The following QTMAN variants were observed in gnomAD, a reference collection of about 807,000 sequenced individuals.
QTMAN encodes queuosine-tRNA mannosyltransferase, also known as tRNA-queuosine alpha-mannosyltransferase.
the QTMAN span, among the ~76,000 whole-genome samples, chr2:144,104,559 G>C: frequency 6.6e-6 from 1 of 152,166 alleles, no homozygotes; most frequent in African/African-American, 2.4e-5. Context: ...GAGGCTGGGG[G>C]AGGGGCGCCC....
the QTMAN span, among the ~76,000 whole-genome samples, chr2:144,191,387 G>A: frequency 6.6e-6 from 1 of 152,180 alleles, no homozygotes; most frequent in East Asian, 1.9e-4. Flanking sequence ...TATGCGGGCA[G>A]GGTTGTGCAA....
At chr2:144,277,622 C>T in the QTMAN span, among the ~76,000 whole-genome samples, 18 of 152,212 alleles carry the variant, frequency 1.2e-4, no homozygotes, top group South Asian at 1.4e-3. Flanking sequence ...TAGATTCTTA[C>T]ACTGCTTTAA....
At chr2:143,973,268 C>G in the QTMAN span, among the ~76,000 whole-genome samples, 1 of 151,920 alleles carries the variant, frequency 6.6e-6, no homozygotes, top group South Asian at 2.1e-4. Context: ...CCATTATGAA[C>G]TCAAGAATGC....
At chr2:144,176,690 A>T in the QTMAN span, among the ~76,000 whole-genome samples, 1 of 152,204 alleles carries the variant, frequency 6.6e-6, no homozygotes, top group Non-Finnish European at 1.5e-5. Flanking sequence ...GTCAGCATTT[A>T]AAGAAAGATT....
chr2:144,223,763 A>G, the QTMAN span, among the ~76,000 whole-genome samples: 6,628 of 152,298 alleles, frequency 0.044, 219 homozygotes, highest in South Asian at 0.11. Context: ...AAATATACAT[A>G]TAAAACGATT....
chr2:144,300,575 G>C, the QTMAN span, among the ~76,000 whole-genome samples: 3 of 152,166 alleles, frequency 2.0e-5, no homozygotes, highest in Non-Finnish European at 4.4e-5. Context: ...GAAGTATTTA[G>C]CTAGAGATAT....
At chr2:144,040,609 G>GA in the QTMAN span, among the ~76,000 whole-genome samples, 2 of 152,000 alleles carry the variant, frequency 1.3e-5, no homozygotes, top group Non-Finnish European at 2.9e-5. Context: ...TAAGGTGTCA[G>GA]AAAATCCAAT....
At chr2:144,152,629 G>T in the QTMAN span, among the ~76,000 whole-genome samples, 1 of 152,078 alleles carries the variant, frequency 6.6e-6, no homozygotes, top group African/African-American at 2.4e-5. Flanking sequence ...TTTTGGGACT[G>T]GAGTTCATTA....
the QTMAN span, among the ~76,000 whole-genome samples, chr2:143,984,222 C>T: frequency 1.4e-4 from 22 of 152,194 alleles, no homozygotes; most frequent in African/African-American, 4.8e-4. Flanking sequence ...GGACTTACCT[C>T]GAAGCAACAA....
chr2:144,313,993 T>C, the QTMAN span, among the ~76,000 whole-genome samples: 1 of 151,816 alleles, frequency 6.6e-6, no homozygotes, highest in African/African-American at 2.4e-5. Flanking sequence ...GTTATATATA[T>C]AATTATAAAA....
chr2:144,307,889 G>C, the QTMAN span, among the ~76,000 whole-genome samples: 1 of 152,148 alleles, frequency 6.6e-6, no homozygotes, highest in Non-Finnish European at 1.5e-5. Flanking sequence ...CAATCATTTA[G>C]ATGTTAATGC....
chr2:144,088,441 T>C, the QTMAN span, among the ~76,000 whole-genome samples: 1 of 152,042 alleles, frequency 6.6e-6, no homozygotes, highest in Non-Finnish European at 1.5e-5. Context: ...CAAATACCAA[T>C]GTCATTCTTC....
the QTMAN span, among the ~76,000 whole-genome samples, chr2:144,146,909 A>G: frequency 6.6e-6 from 1 of 151,872 alleles, no homozygotes; most frequent in African/African-American, 2.4e-5. Context: ...TGGTCTTCTA[A>G]GGGCTCAAAC....
At chr2:144,260,188 T>A in the QTMAN span, among the ~76,000 whole-genome samples, 2 of 152,116 alleles carry the variant, frequency 1.3e-5, 1 homozygote, top group Admixed American at 1.3e-4. Flanking sequence ...ATCACTTATT[T>A]AATTACTGTA....
At chr2:144,027,230 CAA>C in the QTMAN span, among the ~76,000 whole-genome samples, 2 of 152,202 alleles carry the variant, frequency 1.3e-5, no homozygotes, top group Non-Finnish European at 1.5e-5. Flanking sequence ...ACAAGACAAG[CAA>C]AAGATATAAG....
At chr2:144,190,108 AAT>A in the QTMAN span, among the ~76,000 whole-genome samples, 1 of 152,136 alleles carries the variant, frequency 6.6e-6, no homozygotes, top group Admixed American at 6.6e-5. Flanking sequence ...TATTCAATAT[AAT>A]ATATAGAGCC....
chr2:144,184,756 T>C, the QTMAN span, among the ~76,000 whole-genome samples: 4 of 152,146 alleles, frequency 2.6e-5, no homozygotes, highest in Non-Finnish European at 5.9e-5. Context: ...TTCATTTGCA[T>C]ACAGGGATGA....
the QTMAN span, chr2:144,007,359 TGTC>T: frequency 1.2e-5 from 20 of 1,613,246 alleles, no homozygotes; most frequent in Non-Finnish European, 1.7e-5. Context: ...CAAATATTCT[TGTC>T]GTGCAGTATC....
At chr2:144,100,348 G>C in the QTMAN span, among the ~76,000 whole-genome samples, 2 of 152,134 alleles carry the variant, frequency 1.3e-5, no homozygotes, top group African/African-American at 4.8e-5. Context: ...GACTCACCAA[G>C]TTTTCTTGCT....
Sources: gnomAD v4.1 joint callset for allele counts (sites outside exome capture counted in the v4.1 genomes callset) on GRCh38, gnomAD v4.1.1 for gene constraint, MANE v1.5 for transcripts, NCBI Gene and HGNC (gene_info 2026-07-23, HGNC 2026-07-21) for gene names.